CD2AP: variants seen among roughly 807,000 people sequenced by gnomAD.
CD2AP encodes the protein CD2 associated protein.
Under a neutral mutation model 85.1 loss-of-function variants are expected in CD2AP, and 46 were observed. The ratio of observed to expected loss-of-function variants is 0.54; its 90% CI spans 0.43 to 0.69. The LOEUF is 0.69. Ranked by LOEUF, CD2AP falls within the 30% of genes least tolerant of loss-of-function variation. The pLI is 0.00. For missense variants in CD2AP, 769 were observed against 729.5 expected (o/e 1.05, Z -0.62); for synonymous variants, 255 against 252.9 (o/e 1.01, Z -0.08).
intron 9 of CD2AP, among the ~76,000 whole-genome samples, chr6:47,580,375 T>G (rs1768441519): frequency 6.6e-6 from 1 of 152,186 alleles, no homozygotes; most frequent in Non-Finnish European, 1.5e-5. Context: ...GTCTTTGCCT[T>G]TAACTGTTCC....
intron 2 of CD2AP, among the ~76,000 whole-genome samples, chr6:47,527,068 T>A (rs1165498119): frequency 6.6e-6 from 1 of 152,000 alleles, no homozygotes; most frequent in African/African-American, 2.4e-5. Context: ...TTTTTCAAAA[T>A]TCTCTACCCA....
chr6:47,535,956 T>C (rs754460421), intron 3 of CD2AP, among the ~76,000 whole-genome samples: 1 of 152,206 alleles, frequency 6.6e-6, no homozygotes, highest in Non-Finnish European at 1.5e-5. Flanking sequence ...TCTCTTCTAA[T>C]AGGAAAGGAT....
intron 2 of CD2AP, among the ~76,000 whole-genome samples, chr6:47,513,901 G>GA (rs886317771): frequency 2.8e-5 from 4 of 144,412 alleles, no homozygotes; most frequent in Non-Finnish European, 6.1e-5. Flanking sequence ...TTGGGGGGGG[G>GA]GCTAGCCTTA....
At chr6:47,576,130 A>G (rs760637487) in intron 6 of CD2AP, among the ~76,000 whole-genome samples, 3 of 152,176 alleles carry the variant, frequency 2.0e-5, no homozygotes, top group Non-Finnish European at 2.9e-5. Context: ...GCTGGAATGC[A>G]GTGGTACAAT....
chr6:47,478,514 G>T (rs1018933909), intron 1 of CD2AP, among the ~76,000 whole-genome samples: 1 of 152,150 alleles, frequency 6.6e-6, no homozygotes, highest in African/African-American at 2.4e-5. Flanking sequence ...GCGGGATGGG[G>T]GGCGGGGGCG....
intron 1 of CD2AP, among the ~76,000 whole-genome samples, chr6:47,482,398 A>C (rs1278777222): frequency 8.2e-6 from 1 of 121,932 alleles, no homozygotes. Context: ...TTTTTTTTTG[A>C]GATGGAGTCT....
chr6:47,563,639 G>T (rs924548317), intron 5 of CD2AP, among the ~76,000 whole-genome samples: 16 of 152,108 alleles, frequency 1.1e-4, no homozygotes, highest in Admixed American at 9.8e-4. Context: ...TACCTTTAAA[G>T]AATCCCTTTC....
At chr6:47,533,214 G>A (rs377096892) in intron 2 of CD2AP, among the ~76,000 whole-genome samples, 1 of 152,152 alleles carries the variant, frequency 6.6e-6, no homozygotes, top group South Asian at 2.1e-4. Context: ...GAGTGTTGAT[G>A]GTTGCAACAG....
intron 2 of CD2AP, among the ~76,000 whole-genome samples, chr6:47,511,296 T>C (rs1766308621): frequency 6.6e-6 from 1 of 151,986 alleles, no homozygotes; most frequent in Non-Finnish European, 1.5e-5. Flanking sequence ...ACAAACTAAA[T>C]TGAGAGACAT....
chr6:47,518,119 G>T (rs1050525629), intron 2 of CD2AP, among the ~76,000 whole-genome samples: 2 of 152,120 alleles, frequency 1.3e-5, no homozygotes, highest in African/African-American at 4.8e-5. Context: ...TACTGGGGTT[G>T]TTACAAAGGT....
chr6:47,520,548 T>C (rs545223472), intron 2 of CD2AP, among the ~76,000 whole-genome samples: 1 of 151,922 alleles, frequency 6.6e-6, no homozygotes, highest in Non-Finnish European at 1.5e-5. Flanking sequence ...TTTCACCTAG[T>C]GTGGAGGGAA....
At chr6:47,519,066 G>A (rs762201290) in intron 2 of CD2AP, among the ~76,000 whole-genome samples, 1 of 152,184 alleles carries the variant, frequency 6.6e-6, no homozygotes, top group African/African-American at 2.4e-5. Flanking sequence ...TAGGTGGCAA[G>A]AACACAACTG....
At chr6:47,487,917 G>A (rs1336023644) in intron 1 of CD2AP, among the ~76,000 whole-genome samples, 1 of 151,788 alleles carries the variant, frequency 6.6e-6, no homozygotes, top group Non-Finnish European at 1.5e-5. Context: ...GGGTAGAGAG[G>A]GCCAACCTAA....
At position 47,612,525 on chromosome 6, in the gene CD2AP, A is replaced by C. The variant is rs1168665049; in HGVS notation, c.1867A>C (p.Ser623Arg). Residue 623 changes from serine (S) to arginine (R), a missense_variant, in exon 17 of 18, where the codon AGT (serine) becomes CGT (arginine). Coordinates refer to ENST00000359314, the MANE Select transcript of CD2AP (RefSeq NM_012120.3). ...KDLEEEKTMR[S>R]NLEMEIEKLK... ...TTTGGAAGAAGAGAAGACAATGAGA[A>C]GTAATCTAGAGGTAATTAATTTCTT... 1 of 1,605,520 alleles carries C rather than the reference A, an allele frequency of 6.2e-7. No homozygotes were observed. Among genetic ancestry groups the C allele is most frequent in the Non-Finnish European group, 8.5e-7 (1 of 1,172,748 alleles).
At chr6:47,565,739 A>G (rs374712220) in intron 5 of CD2AP, among the ~76,000 whole-genome samples, 42 of 152,158 alleles carry the variant, frequency 2.8e-4, no homozygotes, top group African/African-American at 9.9e-4. Context: ...TTTAGAATCT[A>G]TTTTCTTTTT....
At chr6:47,527,732 A>G (rs1400838611) in intron 2 of CD2AP, among the ~76,000 whole-genome samples, 2 of 152,156 alleles carry the variant, frequency 1.3e-5, no homozygotes, top group Admixed American at 6.5e-5. Flanking sequence ...ATACCTGCAG[A>G]TTAGTTGTTT....
chr6:47,568,465 G>A (rs1476068983), intron 5 of CD2AP, among the ~76,000 whole-genome samples: 1 of 152,134 alleles, frequency 6.6e-6, no homozygotes, highest in African/African-American at 2.4e-5. Context: ...GAGTAGGCTG[G>A]GCGCGGTGGC....
chr6:47,546,611 G>A lies in CD2AP; in HGVS notation c.420+1905G>A, dbSNP rs530472104. 5.9e-4 allele frequency among the ~76,000 whole-genome samples: 90 copies of A among 151,902 alleles called. 1 individual carries two copies. The highest frequency in any genetic ancestry group is 1.8e-4 in the Non-Finnish European group (12 of 67,980). On this transcript the variant is annotated intron_variant, in intron 4 of 17. Transcript: ENST00000359314. ...TAAAAGTTTAAAAAACATATTTGGGGGAATAATCAGAAAAACTTCCCCGGC... is the reference window on the plus strand; with the variant it reads ...TAAAAGTTTAAAAAACATATTTGGGAGAATAATCAGAAAAACTTCCCCGGC...
At position 47,515,017 on chromosome 6, in the gene CD2AP, A is replaced by C. The variant is rs2113998500; in HGVS notation, c.165+11577A>C. On this transcript the variant is annotated intron_variant, in intron 2 of 17. Coordinates refer to ENST00000359314, the MANE Select transcript of CD2AP (RefSeq NM_012120.3). ...CAGTGAGCCAAGATCACTCCACTGC[A>C]CTCCAGCCTGGGTGACAGAGTGAGA... Among the ~76,000 whole-genome samples the C allele has an allele frequency of 1.3e-5, 2 of 151,346 alleles. 1 individual carries two copies. The highest frequency in any genetic ancestry group is 4.2e-4 in the South Asian group (2 of 4,786).
Sources: gnomAD v4.1 joint callset for allele counts (sites outside exome capture counted in the v4.1 genomes callset) on GRCh38, gnomAD v4.1.1 for gene constraint, MANE v1.5 for transcripts, NCBI Gene and HGNC (gene_info 2026-07-23, HGNC 2026-07-21) for gene names.